USP49: variants seen among roughly 807,000 people sequenced by gnomAD.
USP49 encodes the protein ubiquitin specific peptidase 49, also known as ubiquitin carboxyl-terminal hydrolase 49.
USP49 carries 24 observed loss-of-function variants against 58.6 expected under a neutral mutation model. That is an observed-to-expected ratio of 0.41 (90% CI 0.30 to 0.58). The LOEUF (loss-of-function observed/expected upper bound fraction) is 0.58. Among genes scored for constraint, USP49 ranks in the 20% least tolerant of loss-of-function variants. USP49 has a pLI of 0.30. For missense variants in USP49, 703 were observed against 866.1 expected (o/e 0.81, Z 2.36); for synonymous variants, 408 against 365.1 (o/e 1.12, Z -1.34).
chr6:41,805,561 G>A (rs1581992196), intron 4 of USP49, 67 bp downstream of exon 4: 61 of 1,509,028 alleles, frequency 4.0e-5, no homozygotes, highest in Non-Finnish European at 5.4e-5. Context: ...ATAACCCGGG[G>A]AAGGCACTCA....
At chr6:41,804,738 C>T (rs1023307560) in intron 4 of USP49, among the ~76,000 whole-genome samples, 2 of 151,974 alleles carry the variant, frequency 1.3e-5, no homozygotes, top group Non-Finnish European at 2.9e-5. Context: ...CCCCCCACCA[C>T]GTTTTTTTGT....
chr6:41,884,925 C>T (rs1774682556), intron 2 of USP49, among the ~76,000 whole-genome samples: 1 of 152,186 alleles, frequency 6.6e-6, no homozygotes, highest in South Asian at 2.1e-4. Flanking sequence ...CTTTAAATGA[C>T]AAAGTTAAAT....
intron 5 of USP49, among the ~76,000 whole-genome samples, chr6:41,801,346 T>C (rs377465568): frequency 3.3e-5 from 5 of 152,312 alleles, no homozygotes; most frequent in Admixed American, 2.0e-4. Flanking sequence ...GTACTACTCA[T>C]GAAAGGTAGC....
At chr6:41,804,037 T>G in intron 4 of USP49, 27 bp from the exon 5 acceptor site, 2 of 1,602,298 alleles carry the variant, frequency 1.2e-6, no homozygotes, top group South Asian at 2.2e-5. Context: ...GATTTACAGA[T>G]TATATAACTT....
chr6:41,874,214 C>A (rs954643494), intron 2 of USP49: 1 of 152,164 alleles, frequency 6.6e-6, no homozygotes, highest in African/African-American at 2.4e-5. Context: ...CTTCTCCGAG[C>A]CTGTTTTCTA....
intron 3 of USP49, among the ~76,000 whole-genome samples, chr6:41,816,852 G>C (rs572707327): frequency 3.3e-5 from 5 of 151,670 alleles, no homozygotes; most frequent in South Asian, 2.1e-4. Flanking sequence ...GCACAGGCGC[G>C]CACCACCATG....
rs746992436 is a variant in USP49 at position 41,803,898 on chromosome 6, T to C, written c.1469A>G (p.Asn490Ser). ...CTCAGTGAGCAAGCACTCTGTTTGA[T>C]TCAAAGGGACAAACCCCTTTTCTAT... ...HCIEKGFVPLNQTECLLTEML... is the reference protein window; with the variant it reads ...HCIEKGFVPLSQTECLLTEML... Residue 490 changes from asparagine to serine, a missense_variant, in exon 5 of 8, where the codon AAT (asparagine) becomes AGT (serine). Transcript: ENST00000682992. The surrounding 1 kb of genome is among the most constrained non-coding windows in gnomAD (Gnocchi z 4.1). 3 of 1,614,184 alleles carry C rather than the reference T, an allele frequency of 1.9e-6. No individual in the cohort carries two copies. Among genetic ancestry groups the C allele is most frequent in the Non-Finnish European group, 2.5e-6 (3 of 1,180,036 alleles).
At chr6:41,843,977 G>A (rs142924512) in intron 3 of USP49, among the ~76,000 whole-genome samples, 217 of 152,242 alleles carry the variant, frequency 1.4e-3, no homozygotes, top group African/African-American at 5.1e-3. Context: ...CCAGGAGGTG[G>A]AGGTGGCAGT....
At chr6:41,820,185 T>G (rs867114885) in intron 3 of USP49, among the ~76,000 whole-genome samples, 151 of 152,226 alleles carry the variant, frequency 9.9e-4, no homozygotes, top group African/African-American at 3.5e-3. Context: ...TCATTAGTTT[T>G]TTTTTTTTTT....
rs77569607 is a variant in USP49, at chr6:41,893,150, T to C, written c.-184-1275A>G. 6.8e-3 allele frequency among the ~76,000 whole-genome samples: 1,034 copies of C among 152,316 alleles called. 12 individuals carry two copies. Among genetic ancestry groups the C allele is most frequent in the African/African-American group, 0.023 (974 of 41,564 alleles). On this transcript the variant is annotated intron_variant, in intron 1 of 7. Transcript: ENST00000682992. ...TACAGAGATGTTTTTCCATCAAAAT[T>C]ACTCATAAATTTATTTGCCCTAAAA...
chr6:41,819,913 G>T (rs1403638871), intron 3 of USP49, among the ~76,000 whole-genome samples: 3 of 152,186 alleles, frequency 2.0e-5, no homozygotes, highest in Non-Finnish European at 1.5e-5. Context: ...ATCATAGGCT[G>T]CAGTTAGCCA....
At chr6:41,802,340 T>G (rs1299452503) in intron 5 of USP49, among the ~76,000 whole-genome samples, 1 of 151,344 alleles carries the variant, frequency 6.6e-6, no homozygotes, top group Non-Finnish European at 1.5e-5. Context: ...GACTTTTGAT[T>G]TTTGTTCTGA....
intron 2 of USP49, chr6:41,873,144 T>C (rs905978189): frequency 1.3e-5 from 2 of 152,224 alleles, no homozygotes; most frequent in African/African-American, 4.8e-5. Flanking sequence ...GTTAGTATAA[T>C]GGAGCAGAGC....
intron 3 of USP49, among the ~76,000 whole-genome samples, chr6:41,835,041 A>G (rs1056012782): frequency 2.6e-5 from 4 of 152,222 alleles, no homozygotes; most frequent in African/African-American, 9.6e-5. Context: ...TAAGGAGATG[A>G]ATCACTCTAA....
intron 3 of USP49, 31 bp from the exon 4 acceptor site, chr6:41,807,042 A>C: frequency 7.5e-7 from 1 of 1,332,898 alleles, no homozygotes; most frequent in Non-Finnish European, 9.7e-7. Flanking sequence ...AAAAAGAAAA[A>C]GAAAAAGAAA....
rs529565471 is a variant in USP49, at chr6:41,794,088, A to G, written c.*2445T>C. 4 of 152,372 alleles carry G rather than the reference A, an allele frequency of 2.6e-5. No individual in the cohort carries two copies. In the South Asian group the frequency reaches 8.3e-4, roughly 32 times the overall value. 9.4% of individuals were successfully genotyped at this position (152,372 alleles called of 1,614,324 possible). A position where few individuals can be genotyped will look rare whatever the true frequency, so the allele number is the denominator to read the frequency against. ...CCTCACAATAGCCATTGGCTTATGC[A>G]GCAGGGAACTCTTCTTTAATAAAAA... is the stretch of plus-strand genomic sequence containing the variant. On this transcript the variant is annotated 3_prime_UTR_variant, in exon 8 of 8. Coordinates refer to ENST00000682992, the MANE Select transcript of USP49 (RefSeq NM_001286554.2).
intron 2 of USP49, among the ~76,000 whole-genome samples, chr6:41,877,026 T>A (rs893000458): frequency 3.3e-5 from 5 of 152,198 alleles, no homozygotes; most frequent in African/African-American, 1.2e-4. Context: ...TTTGTACATA[T>A]CGCCCAGAGT....
chr6:41,843,878 T>C (rs1016028053), intron 3 of USP49, among the ~76,000 whole-genome samples: 1 of 152,100 alleles, frequency 6.6e-6, no homozygotes, highest in African/African-American at 2.4e-5. Context: ...ACCCGGTCTC[T>C]ACTAAAAATA....
chr6:41,886,418 C>T (rs939366734), intron 2 of USP49: 2 of 152,126 alleles, frequency 1.3e-5, no homozygotes, highest in African/African-American at 2.4e-5. Flanking sequence ...CAATGACGGC[C>T]GAATTGAGCA....
Sources: gnomAD v4.1 joint callset for allele counts (sites outside exome capture counted in the v4.1 genomes callset) on GRCh38, gnomAD v4.1.1 for gene constraint, Gnocchi (gnomAD v3.1) non-coding constraint, MANE v1.5 for transcripts, NCBI Gene and HGNC (gene_info 2026-07-23, HGNC 2026-07-21) for gene names.